The following STK3 variants were observed in gnomAD, a reference collection of about 807,000 sequenced individuals.
STK3 encodes serine/threonine-protein kinase 3.
A neutral mutation model predicts 58.0 loss-of-function variants in STK3; 41 were observed. The observed-to-expected ratio is 0.71, with a 90% CI of 0.55 to 0.92. STK3 has a LOEUF of 0.92. STK3 is among the 40% of genes least tolerant of loss of function. STK3 has a pLI of 0.00. For synonymous variants in STK3, 170 were observed against 191.0 expected (o/e 0.89, Z 0.91); for missense variants, 479 against 602.7 (o/e 0.79, Z 2.15).
At chr8:98,435,697 A>C (rs1009257528) in intron 2 of STK3, among the ~76,000 whole-genome samples, 1 of 152,066 alleles carries the variant, frequency 6.6e-6, no homozygotes, top group African/African-American at 2.4e-5. Context: ...TGGTGGCTGG[A>C]TGGATGGTGG....
At chr8:98,824,638 C>T (rs1564037407) in intron 1 of STK3, among the ~76,000 whole-genome samples, 1 of 152,136 alleles carries the variant, frequency 6.6e-6, no homozygotes, top group Non-Finnish European at 1.5e-5. Context: ...AGATGGCTTC[C>T]AGGCTTCAAG....
chr8:98,598,182 A>G, intron 6 of STK3: 1 of 985,416 alleles, frequency 1.0e-6, no homozygotes, highest in South Asian at 4.7e-5. Flanking sequence ...GGATAACACA[A>G]TGATTTATGT....
chr8:98,617,889 G>A (rs1340547301), intron 6 of STK3, among the ~76,000 whole-genome samples: 8 of 152,018 alleles, frequency 5.3e-5, no homozygotes, highest in Admixed American at 5.3e-4. Flanking sequence ...GAGGTACAAG[G>A]AGGAACTAGT....
intron 8 of STK3, among the ~76,000 whole-genome samples, chr8:98,574,170 C>G (rs1199294391): frequency 1.3e-5 from 2 of 152,090 alleles, no homozygotes; most frequent in Non-Finnish European, 2.9e-5. Context: ...AAAAAATGTA[C>G]CTAATGAACT....
At chr8:98,558,810 G>T (rs187064230) in intron 8 of STK3, among the ~76,000 whole-genome samples, 6 of 151,698 alleles carry the variant, frequency 4.0e-5, no homozygotes, top group Non-Finnish European at 7.4e-5. Context: ...TACATAAATT[G>T]TATTTTTATT....
chr8:98,514,056 C>T (rs769069381), intron 10 of STK3, among the ~76,000 whole-genome samples: 1 of 152,100 alleles, frequency 6.6e-6, no homozygotes, highest in Admixed American at 6.6e-5. Flanking sequence ...TTCAGATAAC[C>T]ACGTTCACTC....
intron 8 of STK3, among the ~76,000 whole-genome samples, chr8:98,553,692 G>C (rs1329575676): frequency 6.6e-6 from 1 of 152,124 alleles, no homozygotes; most frequent in African/African-American, 2.4e-5. Context: ...GGCTGGGCAT[G>C]GGGGCTCACG....
chr8:98,814,652 G>A (rs982520883), intron 1 of STK3, among the ~76,000 whole-genome samples: 8 of 151,966 alleles, frequency 5.3e-5, no homozygotes, highest in South Asian at 2.1e-4. Flanking sequence ...GACTACAAGC[G>A]TGAAACACCA....
chr8:98,715,019 C>A (rs561795486), intron 4 of STK3, among the ~76,000 whole-genome samples: 1 of 152,152 alleles, frequency 6.6e-6, no homozygotes, highest in Non-Finnish European at 1.5e-5. Flanking sequence ...CTGACAAAAA[C>A]AACAAATGGG....
chr8:98,474,109 T>C (rs1821126741), intron 10 of STK3, among the ~76,000 whole-genome samples: 1 of 152,200 alleles, frequency 6.6e-6, no homozygotes, highest in South Asian at 2.1e-4. Context: ...CATATTCAAA[T>C]GTTGCCATGC....
chr8:98,464,561 A>AAAAAG (rs1820308282), intron 10 of STK3, among the ~76,000 whole-genome samples: 5 of 149,038 alleles, frequency 3.4e-5, no homozygotes, highest in African/African-American at 7.4e-5. Context: ...AAAAAAAAAA[A>AAAAAG]AAAGAAAGAA....
chr8:98,668,458 C>T (rs1448846907), intron 6 of STK3, among the ~76,000 whole-genome samples: 1 of 152,138 alleles, frequency 6.6e-6, no homozygotes. Context: ...CAGTCAGCTC[C>T]ACCAGTTGGA....
chr8:98,630,052 T>C (rs1226480311), intron 6 of STK3, among the ~76,000 whole-genome samples: 1 of 152,090 alleles, frequency 6.6e-6, no homozygotes, highest in Non-Finnish European at 1.5e-5. Context: ...GCCTGTTCCT[T>C]CTCACTAAAA....
intron 4 of STK3, among the ~76,000 whole-genome samples, chr8:98,745,665 C>A (rs145716447): frequency 3.7e-4 from 56 of 152,118 alleles, no homozygotes; most frequent in African/African-American, 1.3e-3. Flanking sequence ...GGCTAATAAG[C>A]AGAGCAGACC....
chr8:98,494,746 T>A (rs1315429330), intron 10 of STK3, among the ~76,000 whole-genome samples: 1 of 144,852 alleles, frequency 6.9e-6, no homozygotes, highest in African/African-American at 2.5e-5. Context: ...AGGAAACCAA[T>A]CTTAAACAGT....
chr8:98,833,567 G>T (rs1201702954), intron 3 of STK3, among the ~76,000 whole-genome samples: 1 of 152,162 alleles, frequency 6.6e-6, no homozygotes, highest in Non-Finnish European at 1.5e-5. Context: ...ATATTTGGGG[G>T]TAAAAATACT....
chr8:98,739,151 C>T (rs532827584), intron 4 of STK3, among the ~76,000 whole-genome samples: 2,730 of 152,368 alleles, frequency 0.018, 75 homozygotes, highest in African/African-American at 0.063. Context: ...GTAGGCTCCA[C>T]CTCTGGGGGC....
At chr8:98,669,321 C>T (rs1822627751) in intron 6 of STK3, among the ~76,000 whole-genome samples, 1 of 152,000 alleles carries the variant, frequency 6.6e-6, no homozygotes, top group Non-Finnish European at 1.5e-5. Flanking sequence ...TAAATCATAT[C>T]AACAGTTCTA....
At chr8:98,916,971 A>T (rs1839368573) in intron 1 of STK3, among the ~76,000 whole-genome samples, 1 of 152,144 alleles carries the variant, frequency 6.6e-6, no homozygotes, top group South Asian at 2.1e-4. Flanking sequence ...ACAGATGTGG[A>T]GGAGGAGCAT....
Sources: gnomAD v4.1 joint callset for allele counts (sites outside exome capture counted in the v4.1 genomes callset) on GRCh38, gnomAD v4.1.1 for gene constraint, MANE v1.5 for transcripts, NCBI Gene and HGNC (gene_info 2026-07-23, HGNC 2026-07-21) for gene names.